AUTS2: variants seen among roughly 807,000 people sequenced by gnomAD.
AUTS2 encodes the protein autism susceptibility gene 2 protein.
AUTS2 carries 17 observed loss-of-function variants against 112.4 expected under a neutral mutation model. That is an observed-to-expected ratio of 0.15 (90% CI 0.10 to 0.23). The LOEUF is 0.23. Ranked by LOEUF, AUTS2 falls within the 10% of genes least tolerant of loss-of-function variation. The probability of loss-of-function intolerance (pLI) is 1.00; values close to 1 mark genes in which losing one functional copy is unlikely to be tolerated. For missense variants in AUTS2, 1,510 were observed against 1,701.6 expected, an observed-to-expected ratio of 0.89 and a Z score of 1.98; for synonymous variants, 751 against 702.7, an observed-to-expected ratio of 1.07 and a Z score of -1.09.
chr7:69,843,322 A>G (rs1792060523), intron 1 of AUTS2, among the ~76,000 whole-genome samples: 1 of 152,126 alleles, frequency 6.6e-6, no homozygotes, highest in African/African-American at 2.4e-5. Flanking sequence ...GTGGAGGGGC[A>G]TTCATGTTGG....
At chr7:70,032,775 C>T (rs866029213) in intron 2 of AUTS2, among the ~76,000 whole-genome samples, 2 of 152,026 alleles carry the variant, frequency 1.3e-5, no homozygotes, top group African/African-American at 4.8e-5. Flanking sequence ...AGGTATCCTC[C>T]TCCTCTAACC....
chr7:70,782,790 A>G (rs1198192665), intron 15 of AUTS2: 2 of 152,184 alleles, frequency 1.3e-5, no homozygotes, highest in South Asian at 2.1e-4. Flanking sequence ...TCCAAGACTC[A>G]CTGTTGGTGG....
intron 6 of AUTS2, among the ~76,000 whole-genome samples, chr7:70,743,632 T>C (rs1204727797): frequency 6.6e-6 from 1 of 151,966 alleles, no homozygotes; most frequent in Non-Finnish European, 1.5e-5. Context: ...TGATCTGGGG[T>C]TTTGAGGGGG....
chr7:70,268,025 T>C (rs1341824037), intron 4 of AUTS2, among the ~76,000 whole-genome samples: 1 of 152,198 alleles, frequency 6.6e-6, no homozygotes, highest in Non-Finnish European at 1.5e-5. Flanking sequence ...TGTGCTCCCA[T>C]AAGAAATTTA....
At chr7:70,687,619 A>G (rs1808538559) in intron 5 of AUTS2, among the ~76,000 whole-genome samples, 1 of 152,146 alleles carries the variant, frequency 6.6e-6, no homozygotes, top group Non-Finnish European at 1.5e-5. Flanking sequence ...AGTTCAGTTT[A>G]TTTACTTCCC....
At chr7:70,643,517 G>C (rs868206434) in intron 5 of AUTS2, among the ~76,000 whole-genome samples, 43 of 152,332 alleles carry the variant, frequency 2.8e-4, no homozygotes, top group South Asian at 6.2e-4. Context: ...GTTGCAGTGA[G>C]CTGGGATTAC....
intron 1 of AUTS2, among the ~76,000 whole-genome samples, chr7:69,600,987 G>A (rs1218398569): frequency 6.6e-6 from 1 of 151,960 alleles, no homozygotes; most frequent in Non-Finnish European, 1.5e-5. Context: ...TAGGGTAGGG[G>A]GAAAGGGAAA....
intron 4 of AUTS2, among the ~76,000 whole-genome samples, chr7:70,320,345 C>T (rs535270716): frequency 3.2e-4 from 49 of 152,302 alleles, no homozygotes; most frequent in Non-Finnish European, 4.1e-4. Flanking sequence ...GGTATGACTA[C>T]GCAAGCCACC....
chr7:70,541,031 C>T (rs1365210611), intron 5 of AUTS2, among the ~76,000 whole-genome samples: 1 of 152,128 alleles, frequency 6.6e-6, no homozygotes, highest in Non-Finnish European at 1.5e-5. Context: ...GTTGCTTTTT[C>T]CCACTGGTGC....
intron 5 of AUTS2, chr7:70,437,113 C>T (rs1795926324): frequency 6.6e-6 from 1 of 152,252 alleles, no homozygotes; most frequent in African/African-American, 2.4e-5. Flanking sequence ...AACAAAGTGA[C>T]CTATGGAAGG....
At chr7:69,988,550 A>G (rs1210479018) in intron 2 of AUTS2, among the ~76,000 whole-genome samples, 1 of 150,102 alleles carries the variant, frequency 6.7e-6, no homozygotes, top group Non-Finnish European at 1.5e-5. Context: ...AAACTCCTCA[A>G]GGGCAGGATT....
chr7:70,630,279 A>C (rs1057096680), intron 5 of AUTS2, among the ~76,000 whole-genome samples: 1 of 151,838 alleles, frequency 6.6e-6, no homozygotes, highest in African/African-American at 2.4e-5. Flanking sequence ...ACAGGCCTTC[A>C]TCATCATTTT....
intron 4 of AUTS2, among the ~76,000 whole-genome samples, chr7:70,181,646 C>G (rs1212860216): frequency 1.3e-5 from 2 of 151,742 alleles, no homozygotes. Flanking sequence ...GCCACCACAC[C>G]CAGCTAATTT....
chr7:70,426,494 AAG>A (rs1795443846), intron 4 of AUTS2, among the ~76,000 whole-genome samples: 3 of 152,172 alleles, frequency 2.0e-5, no homozygotes, highest in Admixed American at 2.0e-4. Context: ...CTTTCTTGAA[AAG>A]TAATGACAGC....
chr7:70,171,471 C>T (rs147852599), intron 4 of AUTS2, among the ~76,000 whole-genome samples: 39 of 152,208 alleles, frequency 2.6e-4, no homozygotes, highest in African/African-American at 8.7e-4. Context: ...ACATGTTCAC[C>T]AGCAAAATGA....
chr7:70,599,519 C>G (rs1308372993), intron 5 of AUTS2, among the ~76,000 whole-genome samples: 3 of 152,182 alleles, frequency 2.0e-5, no homozygotes, highest in Non-Finnish European at 4.4e-5. Context: ...TGCTGAACCT[C>G]AGGTCCATCC....
chr7:69,850,393 T>C (rs1477789707), intron 1 of AUTS2, among the ~76,000 whole-genome samples: 2 of 75,386 alleles, frequency 2.7e-5, no homozygotes, highest in Admixed American at 2.2e-4. Context: ...AGCGAAACTC[T>C]GTCTCAAAAA....
At chr7:69,946,255 TA>T in intron 2 of AUTS2, among the ~76,000 whole-genome samples, 1 of 152,304 alleles carries the variant, frequency 6.6e-6, no homozygotes, top group Non-Finnish European at 1.5e-5. Context: ...CCCAAGTTGT[TA>T]CAAACTGCAG....
chr7:70,454,810 C>G (rs1796669518), intron 5 of AUTS2, among the ~76,000 whole-genome samples: 1 of 152,164 alleles, frequency 6.6e-6, no homozygotes, highest in South Asian at 2.1e-4. Flanking sequence ...TGCTGCTGTG[C>G]AAAGCACACT....
Sources: gnomAD v4.1 joint callset for allele counts (sites outside exome capture counted in the v4.1 genomes callset) on GRCh38, gnomAD v4.1.1 for gene constraint, MANE v1.5 for transcripts, NCBI Gene and HGNC (gene_info 2026-07-23, HGNC 2026-07-21) for gene names.